Variants in LMTK2 observed in about 807,000 individuals in gnomAD.
The protein encoded by LMTK2 is lemur tail kinase 2.
A neutral mutation model predicts 127.5 loss-of-function variants in LMTK2; 37 were observed. That is an observed-to-expected ratio of 0.29 (90% confidence interval 0.22 to 0.38). The LOEUF is 0.38. LMTK2 is among the 10% of genes least tolerant of loss of function. LMTK2 has a pLI of 1.00. For missense variants in LMTK2, 1,694 were observed against 1,920.3 expected, an observed-to-expected ratio of 0.88 and a Z score of 2.20; for synonymous variants, 819 against 810.1, an observed-to-expected ratio of 1.01 and a Z score of -0.19.
intron 6 of LMTK2, among the ~76,000 whole-genome samples, chr7:98,168,517 A>G (rs1226069729): frequency 6.6e-6 from 1 of 152,216 alleles, no homozygotes; most frequent in Non-Finnish European, 1.5e-5. Context: ...ATTATTGAAG[A>G]TTATGTTTTT....
At chr7:98,143,855 G>T (rs1318560986) in intron 3 of LMTK2, among the ~76,000 whole-genome samples, 1 of 152,146 alleles carries the variant, frequency 6.6e-6, no homozygotes, top group Non-Finnish European at 1.5e-5. Context: ...GCGTTGTTTG[G>T]CAGGGTAAGA....
intron 3 of LMTK2, among the ~76,000 whole-genome samples, chr7:98,146,383 GTTTTT>G (rs1331629388): frequency 6.7e-6 from 1 of 149,248 alleles, no homozygotes; most frequent in Non-Finnish European, 1.5e-5. Context: ...GATTCTGATA[GTTTTT>G]TTATTTTATT....
chr7:98,112,674 T>G (rs979200973), intron 1 of LMTK2, among the ~76,000 whole-genome samples: 1 of 152,212 alleles, frequency 6.6e-6, no homozygotes, highest in Non-Finnish European at 1.5e-5. Context: ...CAGCTGTGAT[T>G]ATAATTATGA....
chr7:98,200,030 AT>A (rs2116478673), intron 11 of LMTK2, among the ~76,000 whole-genome samples: 5 of 151,862 alleles, frequency 3.3e-5, no homozygotes, highest in Admixed American at 3.3e-4. Flanking sequence ...TTTTATTTCT[AT>A]TCTTCCTCTT....
intron 1 of LMTK2, among the ~76,000 whole-genome samples, chr7:98,112,081 T>G (rs1796208462): frequency 6.6e-6 from 1 of 152,232 alleles, no homozygotes. Context: ...AACACAATTG[T>G]GTATTGTCAT....
In LMTK2 at chr7:98,111,506, G is replaced by A. The variant is rs1038531254; in HGVS notation, c.103+4226G>A. On this transcript the variant is annotated intron_variant, in intron 1 of 13. Transcript: ENST00000297293. ...AGCTTGGGCTTTGTAGTGAGATCTG[G>A]GTGTGAAGCCTTGGCTGCCGCTGGA... 3.9e-5 allele frequency among the ~76,000 whole-genome samples: 6 copies of A among 152,262 alleles called. No individual in the cohort carries two copies. In the East Asian group the frequency reaches 1.2e-3, roughly 29 times the overall value.
intron 6 of LMTK2, among the ~76,000 whole-genome samples, chr7:98,169,544 T>C (rs945300250): frequency 7.2e-5 from 11 of 152,368 alleles, no homozygotes; most frequent in South Asian, 4.1e-4. Flanking sequence ...AGTAAGTTTT[T>C]CCTTAGATGG....
In LMTK2 at chr7:98,151,661, C is replaced by T. The variant is rs112278628; in HGVS notation, c.450+206C>T. ...AGCCTTTTCCAGAAAGGATGTCTTA[C>T]GGCATACAGGCTGTTATAACAAAAT... On this transcript the variant is annotated intron_variant, in intron 4 of 13. Transcript: ENST00000297293. 9.5e-3 allele frequency among the ~76,000 whole-genome samples: 1,448 copies of T among 152,336 alleles called. 19 individuals are homozygous for T. The highest frequency in any genetic ancestry group is 0.033 in the African/African-American group (1,364 of 41,572).
At chr7:98,137,170 T>G (rs1390843505) in intron 1 of LMTK2, 145 bp from the exon 2 acceptor site, 1 of 708,434 alleles carries the variant, frequency 1.4e-6, no homozygotes, top group African/African-American at 1.8e-5. Flanking sequence ...CAGCTTCTTA[T>G]CCTGGATGGA....
chr7:98,163,719 G>A (rs912520757), intron 6 of LMTK2, among the ~76,000 whole-genome samples: 2 of 152,192 alleles, frequency 1.3e-5, no homozygotes, highest in African/African-American at 4.8e-5. Context: ...ACACCAAAGT[G>A]TCTCTTTGAC....
chr7:98,205,149 CG>C, intron 13 of LMTK2, among the ~76,000 whole-genome samples: 1 of 152,360 alleles, frequency 6.6e-6, no homozygotes, highest in East Asian at 1.9e-4. Context: ...TTATTTCCCT[CG>C]GCGCTAGGCT....
intron 6 of LMTK2, among the ~76,000 whole-genome samples, chr7:98,168,538 A>G (rs991997582): frequency 2.0e-5 from 3 of 152,370 alleles, no homozygotes; most frequent in African/African-American, 7.2e-5. Flanking sequence ...CCCCAGAATC[A>G]TCCTATTAAA....
intron 7 of LMTK2, among the ~76,000 whole-genome samples, chr7:98,174,103 GTAA>G (rs1328991006): frequency 1.0e-4 from 9 of 88,416 alleles, no homozygotes; most frequent in African/African-American, 1.7e-4. Context: ...TCATTTTGTT[GTAA>G]AAAAAAAAAA....
At chr7:98,139,040 T>A (rs561063487) in intron 2 of LMTK2, among the ~76,000 whole-genome samples, 13 of 152,342 alleles carry the variant, frequency 8.5e-5, no homozygotes, top group African/African-American at 2.9e-4. Context: ...ACCAGGAAGC[T>A]ACAGTCTGGT....
chr7:98,111,482 G>T (rs1255691955), intron 1 of LMTK2, among the ~76,000 whole-genome samples: 1 of 152,210 alleles, frequency 6.6e-6, no homozygotes, highest in African/African-American at 2.4e-5. Context: ...TGTAGGAAGA[G>T]CTTGGGCTTT....
At chr7:98,170,397 T>C (rs1034135057) in intron 6 of LMTK2, among the ~76,000 whole-genome samples, 2 of 152,222 alleles carry the variant, frequency 1.3e-5, no homozygotes, top group Middle Eastern at 3.2e-3. Context: ...GTATTAAATG[T>C]GGGTAAATGT....
chr7:98,151,982 TA>T (rs200777287), intron 4 of LMTK2, among the ~76,000 whole-genome samples: 3 of 151,214 alleles, frequency 2.0e-5, no homozygotes, highest in Non-Finnish European at 4.4e-5. Context: ...CAAAGGCCTT[TA>T]AAAAAAAAGT....
intron 1 of LMTK2, among the ~76,000 whole-genome samples, chr7:98,110,085 C>T (rs527774123): frequency 3.3e-5 from 5 of 152,012 alleles, no homozygotes; most frequent in Non-Finnish European, 5.9e-5. Context: ...TAGGGTCTTT[C>T]GCCTCCTTGT....
At position 98,193,843 on chromosome 7, in the gene LMTK2, C is replaced by T. The variant is rs200492045; in HGVS notation, c.3378C>T (p.Ser1126=). Residue 1126 remains serine (S), a synonymous_variant, in exon 11 of 14, where the codon TCC becomes TCT. Transcript: ENST00000297293. The surrounding 1 kb of genome is among the most constrained non-coding windows in gnomAD (Gnocchi z 4.1). ...RSEEVPGTSP[S]ALVLVQEQPL... Reference sequence around the variant, plus strand: ...AGGAGGTCCCGGGAACCTCCCCATCCGCCTTGGTGTTGGTACAGGAGCAGC... The same window carrying T: ...AGGAGGTCCCGGGAACCTCCCCATCTGCCTTGGTGTTGGTACAGGAGCAGC... The T allele has an allele frequency of 9.2e-5, 149 of 1,614,080 alleles. No homozygotes were observed. The Middle Eastern group carries it at 1.3e-3, about 14-fold the overall frequency.
Sources: gnomAD v4.1 joint callset for allele counts (sites outside exome capture counted in the v4.1 genomes callset) on GRCh38, gnomAD v4.1.1 for gene constraint, Gnocchi (gnomAD v3.1) non-coding constraint, MANE v1.5 for transcripts, NCBI Gene and HGNC (gene_info 2026-07-23, HGNC 2026-07-21) for gene names.